The following TRDN variants were observed in gnomAD, a reference collection of about 807,000 sequenced individuals.
The protein encoded by TRDN is triadin in skeletal muscle.
A neutral mutation model predicts 149.7 loss-of-function variants in TRDN; 161 were observed. The ratio of observed to expected loss-of-function variants is 1.08; its 90% CI spans 0.95 to 1.23. The LOEUF (loss-of-function observed/expected upper bound fraction) is 1.23. Among genes scored for constraint, TRDN ranks in the 50% most tolerant of loss-of-function variants. The pLI, the probability that TRDN is intolerant of heterozygous loss-of-function variation, is 0.00. For synonymous variants in TRDN, 294 were observed against 250.5 expected (o/e 1.17, Z -1.64); for missense variants, 896 against 823.5 (o/e 1.09, Z -1.08).
intron 19 of TRDN, among the ~76,000 whole-genome samples, chr6:123,374,621 A>C (rs1294954540): frequency 1.3e-5 from 2 of 151,968 alleles, no homozygotes; most frequent in Non-Finnish European, 2.9e-5. Context: ...ATATTTTTCA[A>C]TTTTTATCTG....
chr6:123,375,737 A>C, intron 18 of TRDN, 106 bp from the exon 19 acceptor site: 5 of 909,760 alleles, frequency 5.5e-6, no homozygotes, highest in Non-Finnish European at 7.9e-6. Context: ...TGTGTGTATA[A>C]TATTGGAAGC....
At chr6:123,584,911 T>C (rs1378008782) in intron 1 of TRDN, among the ~76,000 whole-genome samples, 2 of 152,278 alleles carry the variant, frequency 1.3e-5, no homozygotes, top group East Asian at 3.9e-4. Context: ...TTGTAAGGCT[T>C]GTCTGGTTTT....
At chr6:123,269,927 C>T in intron 30 of TRDN, 61 bp from the exon 31 acceptor site, 3 of 1,520,146 alleles carry the variant, frequency 2.0e-6, no homozygotes, top group Non-Finnish European at 2.7e-6. Flanking sequence ...GAAAAAATAA[C>T]TGTTTAGTAT....
At chr6:123,422,372 A>G (rs1029183125) in intron 12 of TRDN, among the ~76,000 whole-genome samples, 2 of 152,098 alleles carry the variant, frequency 1.3e-5, no homozygotes, top group African/African-American at 4.8e-5. Context: ...ACATTTACAG[A>G]AGCAATCTTG....
chr6:123,366,529 T>C (rs531976440), intron 19 of TRDN, among the ~76,000 whole-genome samples: 209 of 152,274 alleles, frequency 1.4e-3, no homozygotes, highest in Non-Finnish European at 2.6e-3. Flanking sequence ...CTACAATTTT[T>C]TTTTTTAAAC....
intron 2 of TRDN, among the ~76,000 whole-genome samples, chr6:123,566,578 A>G (rs951825680): frequency 1.3e-5 from 2 of 152,228 alleles, no homozygotes; most frequent in African/African-American, 2.4e-5. Flanking sequence ...CTAAACTTCC[A>G]GAGAGTAACT....
intron 24 of TRDN, 50 bp from the exon 25 acceptor site, chr6:123,279,132 T>C: frequency 7.1e-7 from 1 of 1,403,346 alleles, no homozygotes; most frequent in Non-Finnish European, 9.9e-7. Context: ...CAATTCTTAT[T>C]AAATTAACAT....
chr6:123,474,263 G>C (rs1385322037), intron 9 of TRDN, among the ~76,000 whole-genome samples: 1 of 151,240 alleles, frequency 6.6e-6, no homozygotes, highest in Non-Finnish European at 1.5e-5. Flanking sequence ...CCAAGCAAAT[G>C]GAAAACAAAA....
At chr6:123,369,674 G>A (rs192640840) in intron 19 of TRDN, among the ~76,000 whole-genome samples, 5 of 152,104 alleles carry the variant, frequency 3.3e-5, no homozygotes, top group Admixed American at 2.6e-4. Flanking sequence ...AGAAAATAGG[G>A]GCAGACTAAA....
intron 24 of TRDN, among the ~76,000 whole-genome samples, chr6:123,290,581 C>T (rs1359422872): frequency 3.3e-5 from 5 of 152,054 alleles, no homozygotes; most frequent in African/African-American, 1.2e-4. Context: ...CTAGATAAAA[C>T]TGTTAAAAGT....
intron 38 of TRDN, among the ~76,000 whole-genome samples, chr6:123,224,580 A>T (rs1035333859): frequency 2.0e-5 from 3 of 151,824 alleles, no homozygotes; most frequent in Non-Finnish European, 4.4e-5. Flanking sequence ...TGACAATTCT[A>T]AAAAGCCCAG....
At chr6:123,426,898 C>A (rs1562307680) in intron 12 of TRDN, among the ~76,000 whole-genome samples, 1 of 152,054 alleles carries the variant, frequency 6.6e-6, no homozygotes. Flanking sequence ...TAACTACTTA[C>A]AACAAACAAA....
intron 38 of TRDN, among the ~76,000 whole-genome samples, chr6:123,243,375 C>G (rs1277982534): frequency 1.3e-5 from 2 of 152,034 alleles, no homozygotes; most frequent in Non-Finnish European, 2.9e-5. Flanking sequence ...GAAAACAAAA[C>G]AAGAAAATAT....
At chr6:123,271,725 C>T (rs1369286798) in intron 29 of TRDN, among the ~76,000 whole-genome samples, 1 of 151,828 alleles carries the variant, frequency 6.6e-6, no homozygotes, top group African/African-American at 2.4e-5. Flanking sequence ...GAGATTATTG[C>T]CCTGATACTA....
At chr6:123,521,109 C>T (rs1044068678) in intron 5 of TRDN, among the ~76,000 whole-genome samples, 1 of 152,210 alleles carries the variant, frequency 6.6e-6, no homozygotes, top group East Asian at 1.9e-4. Context: ...AATTGTTTCC[C>T]AAAAACTGAA....
At chr6:123,227,598 A>G (rs1030333856) in intron 38 of TRDN, among the ~76,000 whole-genome samples, 2 of 151,966 alleles carry the variant, frequency 1.3e-5, no homozygotes, top group Admixed American at 1.3e-4. Context: ...TGAGATCATC[A>G]CTTTTAATTT....
intron 20 of TRDN, among the ~76,000 whole-genome samples, chr6:123,364,990 C>T (rs868377452): frequency 2.0e-5 from 3 of 152,154 alleles, no homozygotes; most frequent in Admixed American, 1.3e-4. Flanking sequence ...ACAATAACTT[C>T]TGATAAATGA....
At chr6:123,259,483 T>A in intron 35 of TRDN, 141 bp downstream of exon 35, 1 of 604,724 alleles carries the variant, frequency 1.7e-6, no homozygotes, top group Non-Finnish European at 3.0e-6. Flanking sequence ...TGTAATGTAC[T>A]ATAATTATGA....
chr6:123,447,727 G>T (rs2114639006), intron 10 of TRDN, among the ~76,000 whole-genome samples: 2 of 151,416 alleles, frequency 1.3e-5, no homozygotes, highest in South Asian at 2.1e-4. Flanking sequence ...ACCCAAGATT[G>T]TGGCCACTGC....
Sources: allele counts gnomAD v4.1 joint callset (sites outside exome capture counted in the v4.1 genomes callset), GRCh38; gene constraint gnomAD v4.1.1; transcripts MANE v1.5; gene names NCBI Gene and HGNC (gene_info 2026-07-23, HGNC 2026-07-21).